The following NPBWR1 variants were observed in gnomAD, a reference collection of about 807,000 sequenced individuals.
The protein encoded by NPBWR1 is neuropeptides B and W receptor 1.
Under a neutral mutation model 2.8 loss-of-function variants are expected in NPBWR1, and 4 were observed. The observed-to-expected ratio is 1.44, with a 90% CI of 0.71 to 3.29. The LOEUF (loss-of-function observed/expected upper bound fraction) is 3.29, where lower values mean the gene tolerates loss of function less well. Among genes scored for constraint, NPBWR1 ranks in the 30% most tolerant of loss-of-function variants. The pLI is 0.01. For missense variants in NPBWR1, 545 were observed against 462.5 expected (o/e 1.18, Z -1.64); for synonymous variants, 250 against 224.5 (o/e 1.11, Z -1.02).
chr8:52,940,720 C>G lies in NPBWR1; in HGVS notation c.813C>G (p.Thr271=). 1 of 1,613,662 alleles carries G rather than the reference C, an allele frequency of 6.2e-7. No homozygotes were observed. The highest frequency in any genetic ancestry group is 8.5e-7 in the Non-Finnish European group (1 of 1,179,990). ...LLCWTPYHLS[T]VVALTTDLPQ... Reference sequence around the variant, plus strand: ...GCTGGACGCCCTACCACCTGAGCACCGTGGTGGCGCTCACCACCGACCTCC... The same window carrying G: ...GCTGGACGCCCTACCACCTGAGCACGGTGGTGGCGCTCACCACCGACCTCC... The change falls in exon 2 of 2, where the codon ACC becomes ACG. Residue 271 remains threonine, a synonymous_variant. Coordinates refer to ENST00000674939, the MANE Select transcript of NPBWR1 (RefSeq NM_005285.5).
In NPBWR1 at chr8:52,941,132, C is replaced by T. The variant is rs1348247093; in HGVS notation, c.*238C>T. 5.0e-6 allele frequency: 3 copies of T among 599,270 alleles called. No homozygotes were observed. Among genetic ancestry groups the T allele is most frequent in the Non-Finnish European group, 8.7e-6 (3 of 345,542 alleles). The allele number at this position is 599,270 out of a possible 1,614,324, so 37.1% of individuals were successfully genotyped here. Reference sequence around the variant, plus strand: ...GAGAACTGAGGCTGAGATCGCCACACTGAGGGCTCCCTAAAGCCGAGGTGG... The same window carrying T: ...GAGAACTGAGGCTGAGATCGCCACATTGAGGGCTCCCTAAAGCCGAGGTGG... On this transcript the variant is annotated 3_prime_UTR_variant, in exon 2 of 2. Transcript: ENST00000674939.
rs141324204 is a variant in NPBWR1, at chr8:52,940,019, G to T, written c.112G>T (p.Val38Leu). Residue 38 changes from valine (V) to leucine (L), a missense_variant, in exon 2 of 2, where the codon GTG (valine) becomes TTG (leucine). Coordinates refer to ENST00000674939, the MANE Select transcript of NPBWR1 (RefSeq NM_005285.5). The stretch of plus-strand genomic sequence containing the variant: ...GGCGCCGCTGCCGGCGCCGCTGGCG[G>T]TGGCTGTACCAGTTGTCTACGCGGT... ...TLAPLPAPLA[V>L]AVPVVYAVIC... is the part of the protein sequence containing the mutation. 6.2e-6 allele frequency: 10 copies of T among 1,605,516 alleles called. No homozygotes were observed. The highest frequency in any genetic ancestry group is 8.5e-6 in the Non-Finnish European group (10 of 1,179,710).
rs1409653483 is a variant in NPBWR1 at position 52,940,532 on chromosome 8, G to T, written c.625G>T (p.Val209Leu). 1 of 1,594,546 alleles carries T rather than the reference G, an allele frequency of 6.3e-7. No individual in the cohort carries two copies. Among genetic ancestry groups the T allele is most frequent in the Non-Finnish European group, 8.5e-7 (1 of 1,173,862 alleles). Residue 209 changes from valine (V) to leucine (L), a missense_variant, in exon 2 of 2, where the codon GTG becomes TTG. Coordinates refer to ENST00000674939, the MANE Select transcript of NPBWR1 (RefSeq NM_005285.5). ...GCGCGCGAGCCGCCTCTACACGCTC[G>T]TGCTGGGCTTCGCCATCCCCGTGTC... is the stretch of plus-strand genomic sequence containing the variant. The part of the protein sequence containing the change: ...WWRASRLYTL[V>L]LGFAIPVSTI...
chr8:52,941,090 C>A lies in NPBWR1; in HGVS notation c.*196C>A. ...CTTGCCAAGCCCTCCAGGTGATGCG[C>A]GGCCATGCCGGGTGAGGAGAACTGA... On this transcript the variant is annotated 3_prime_UTR_variant, in exon 2 of 2. Transcript: ENST00000674939. 1.4e-6 allele frequency: 1 copy of A among 699,274 alleles called. No homozygotes were observed. The highest frequency in any genetic ancestry group is 2.3e-6 in the Non-Finnish European group (1 of 431,898). 43.3% of individuals were successfully genotyped at this position (699,274 alleles called of 1,614,324 possible). A position where few individuals can be genotyped will look rare whatever the true frequency, so the allele number is the denominator to read the frequency against.
At position 52,941,181 on chromosome 8, in the gene NPBWR1, G is replaced by A; in HGVS notation, c.*287G>A. 1 of 488,332 alleles carries A rather than the reference G, an allele frequency of 2.0e-6. No individual in the cohort carries two copies. The allele number at this position is 488,332 out of a possible 1,614,324, so 30.2% of individuals were successfully genotyped here. The stretch of plus-strand genomic sequence containing the variant: ...GGAGGAAGAGGAGGGTAGAGGAGGA[G>A]GGCGGTATTGCTGGGAACCGCCCCC... On this transcript the variant is annotated 3_prime_UTR_variant, in exon 2 of 2. Coordinates refer to ENST00000674939, the MANE Select transcript of NPBWR1 (RefSeq NM_005285.5).
rs762587931 is a variant in NPBWR1 at position 52,940,842 on chromosome 8, C to A, written c.935C>A (p.Ala312Asp). The A allele has an allele frequency of 6.2e-7, 1 of 1,613,386 alleles. No individual in the cohort carries two copies. Among genetic ancestry groups the A allele is most frequent in the South Asian group, 1.1e-5 (1 of 91,066 alleles). ...CCCTTCCTCTACGCCTTCCTGGACG[C>A]CAGCTTCCGCAGGAACCTCCGCCAG... ...LNPFLYAFLDASFRRNLRQLI... is the reference protein window; with the variant it reads ...LNPFLYAFLDDSFRRNLRQLI... Residue 312 changes from alanine (A) to aspartate (D), a missense_variant, in exon 2 of 2, where the codon GCC becomes GAC. Ala to Asp is a moderately radical substitution (Grantham distance 126, BLOSUM62 -2). Transcript: ENST00000674939.
At position 52,941,277 on chromosome 8, in the gene NPBWR1, C is replaced by A. The variant is rs767528308; in HGVS notation, c.*383C>A. ...GAACCTGGCTGGAGTCGGAACTCTC[C>A]GCGCCTTCGAAGGGAGGCCCGAGGA... On this transcript the variant is annotated 3_prime_UTR_variant, in exon 2 of 2. Transcript: ENST00000674939. Among the ~76,000 whole-genome samples, 2 of 152,108 alleles carry A rather than the reference C, an allele frequency of 1.3e-5. No homozygotes were observed. The highest frequency in any genetic ancestry group is 2.9e-5 in the Non-Finnish European group (2 of 68,002).
Position 52,943,523 on chromosome 8 carries a change from T to G in NPBWR1, c.*2629T>G, listed in dbSNP as rs563764792. Among the ~76,000 whole-genome samples the G allele has an allele frequency of 6.6e-5, 10 of 152,392 alleles. No individual in the cohort carries two copies. In the South Asian group the frequency reaches 1.7e-3, roughly 25 times the overall value. On this transcript the variant is annotated 3_prime_UTR_variant, in exon 2 of 2. Coordinates refer to ENST00000674939, the MANE Select transcript of NPBWR1 (RefSeq NM_005285.5). ...TCACATCATTGTATTGCAAAGGTTT[T>G]AACACTGTGTTGAATTCTTGCAGTT...
rs752580559 is a variant in NPBWR1, at chr8:52,940,368, C to CCGCG, written c.468_471dup (p.Val158ArgfsTer204). On this transcript the variant is annotated frameshift_variant, in exon 2 of 2. Transcript: ENST00000674939. LOFTEE classifies it low-confidence loss of function (END_TRUNC). ...CGGGTGGCCGGCCGCACCTACAGCG[C>CCGCG]CGCGCGCGCGGTGAGCCTGGCCGTG... The CCGCG allele has an allele frequency of 1.1e-5, 18 of 1,605,536 alleles. No homozygotes were observed. The highest frequency in any genetic ancestry group is 1.4e-5 in the Non-Finnish European group (17 of 1,178,698).
In NPBWR1 at chr8:52,939,944, A is replaced by G. The variant is rs779727825; in HGVS notation, c.37A>G (p.Asn13Asp). 1.1e-5 allele frequency: 17 copies of G among 1,570,346 alleles called. 1 individual carries two copies. In the South Asian group the frequency reaches 1.8e-4, roughly 17 times the overall value. Residue 13 changes from asparagine to aspartate, a missense_variant, in exon 2 of 2, where the codon AAC becomes GAC. Asn to Asp is a conservative substitution (Grantham distance 23, BLOSUM62 1). Transcript: ENST00000674939. ...CTCGTTCTCGGAGCCCTGGCCCGCCAACGCATCGGGCCCGGACCCGGCGCT... is the reference window on the plus strand; with the variant it reads ...CTCGTTCTCGGAGCCCTGGCCCGCCGACGCATCGGGCCCGGACCCGGCGCT... ...NASFSEPWPA[N>D]ASGPDPALSC... is the part of the protein sequence containing the mutation.
In NPBWR1 at chr8:52,942,568, G is replaced by T. The variant is rs1256214818; in HGVS notation, c.*1674G>T. On this transcript the variant is annotated 3_prime_UTR_variant, in exon 2 of 2. Coordinates refer to ENST00000674939, the MANE Select transcript of NPBWR1 (RefSeq NM_005285.5). Reference sequence around the variant, plus strand: ...GCAGCACATTTTGTTTGCTTAGTTTGGCATCTTCAATCAATTTCTCAATTA... The same window carrying T: ...GCAGCACATTTTGTTTGCTTAGTTTTGCATCTTCAATCAATTTCTCAATTA... 6.6e-6 allele frequency among the ~76,000 whole-genome samples: 1 copy of T among 152,062 alleles called. No homozygotes were observed. The highest frequency in any genetic ancestry group is 2.4e-5 in the African/African-American group (1 of 41,388).
rs1285990990 is a variant in NPBWR1, at chr8:52,940,558, C to T, written c.651C>T (p.Ser217=). The part of the protein sequence containing the change: ...TLVLGFAIPV[S]TICVLYTTLL... ...TGCTGGGCTTCGCCATCCCCGTGTC[C>T]ACCATCTGTGTCCTCTATACCACCC... Residue 217 remains serine (S), a synonymous_variant, in exon 2 of 2, where the codon TCC becomes TCT. Coordinates refer to ENST00000674939, the MANE Select transcript of NPBWR1 (RefSeq NM_005285.5). 1 of 1,598,760 alleles carries T rather than the reference C, an allele frequency of 6.3e-7. No individual in the cohort carries two copies. Among genetic ancestry groups the T allele is most frequent in the Non-Finnish European group, 8.5e-7 (1 of 1,175,004 alleles).
chr8:52,941,843 T>C lies in NPBWR1; in HGVS notation c.*949T>C, dbSNP rs536725010. Among the ~76,000 whole-genome samples, 1 of 152,198 alleles carries C rather than the reference T, an allele frequency of 6.6e-6. No individual in the cohort carries two copies. The highest frequency in any genetic ancestry group is 1.5e-5 in the Non-Finnish European group (1 of 68,032). ...ATCGCGGGGCTTTGTGGTGGAGCACTCCGGCTGAGCGCGCTTCACAGCGCT... is the reference window on the plus strand; with the variant it reads ...ATCGCGGGGCTTTGTGGTGGAGCACCCCGGCTGAGCGCGCTTCACAGCGCT... On this transcript the variant is annotated 3_prime_UTR_variant, in exon 2 of 2. Coordinates refer to ENST00000674939, the MANE Select transcript of NPBWR1 (RefSeq NM_005285.5).
chr8:52,940,798 C>A lies in NPBWR1; in HGVS notation c.891C>A (p.Tyr297Ter), dbSNP rs776181134. ...AISYFITSLS[Y>*]ANSCLNPFLY... ...CCTACTTCATCACCAGCCTGAGCTA[C>A]GCCAACAGCTGCCTCAACCCCTTCC... Residue 297 changes from tyrosine (Y) to a stop codon, truncating the protein, a stop_gained, in exon 2 of 2, where the codon TAC becomes TAA. Transcript: ENST00000674939. LOFTEE classifies it high-confidence loss of function. 1.9e-6 allele frequency: 3 copies of A among 1,614,128 alleles called. No homozygotes were observed. The highest frequency in any genetic ancestry group is 1.6e-4 in the Middle Eastern group (1 of 6,062).
chr8:52,939,672 G>C, intron 1 of NPBWR1, 39 bp from the exon 2 acceptor site: 1 of 459,792 alleles, frequency 2.2e-6, no homozygotes, highest in Non-Finnish European at 3.8e-6. Flanking sequence ...AAAGTTACAC[G>C]TCGACGAACT....
At chr8:52,939,514 T>C (rs1332126045) in intron 1 of NPBWR1, 148 bp downstream of exon 1, 5 of 192,032 alleles carry the variant, frequency 2.6e-5, no homozygotes, top group Admixed American at 2.4e-4. Flanking sequence ...ATTTTTCCTA[T>C]GGAGGATTCT....
In NPBWR1 at chr8:52,939,703, C is replaced by T. The variant is rs1215541346; in HGVS notation, c.-197-8C>T. 1.8e-6 allele frequency: 1 copy of T among 546,920 alleles called. No homozygotes were observed. The highest frequency in any genetic ancestry group is 3.1e-6 in the Non-Finnish European group (1 of 321,802). The allele number at this position is 546,920 out of a possible 1,614,324, so 33.9% of individuals were successfully genotyped here. A position where few individuals can be genotyped will look rare whatever the true frequency, so the allele number is the denominator to read the frequency against. On this transcript the variant is annotated splice_polypyrimidine_tract_variant and splice_region_variant and intron_variant, in intron 1 of 1. Coordinates refer to ENST00000674939, the MANE Select transcript of NPBWR1 (RefSeq NM_005285.5). ...GAACTAACCTATGCTTTAAATTCCT[C>T]TTTCCAGCCCCGTGAGTCCGCGGCG... is the stretch of plus-strand genomic sequence containing the variant.
At position 52,939,725 on chromosome 8, in the gene NPBWR1, G is replaced by A; in HGVS notation, c.-183G>A. 3.3e-6 allele frequency: 2 copies of A among 598,518 alleles called. No homozygotes were observed. The highest frequency in any genetic ancestry group is 3.0e-5 in the East Asian group (1 of 33,112). The allele number at this position is 598,518 out of a possible 1,614,324, so 37.1% of individuals were successfully genotyped here. A position where few individuals can be genotyped will look rare whatever the true frequency, so the allele number is the denominator to read the frequency against. ...CCTCTTTCCAGCCCCGTGAGTCCGC[G>A]GCGACATTGGGCCGTGGGGTGGCTG... On this transcript the variant is annotated 5_prime_UTR_variant, in exon 2 of 2. Coordinates refer to ENST00000674939, the MANE Select transcript of NPBWR1 (RefSeq NM_005285.5).
Position 52,940,463 on chromosome 8 carries a change from C to A in NPBWR1, c.556C>A (p.Arg186Ser). Residue 186 changes from arginine (R) to serine (S), a missense_variant, in exon 2 of 2, where the codon CGC (arginine) becomes AGC (serine). By Grantham distance (110) the Arg-to-Ser change is moderately radical. Coordinates refer to ENST00000674939, the MANE Select transcript of NPBWR1 (RefSeq NM_005285.5). ...CCGGCTAGACGACGAGCAGGGCCGG[C>A]GCCAGTGCGTGCTAGTCTTTCCGCA... is the stretch of plus-strand genomic sequence containing the variant. ...FARLDDEQGR[R>S]QCVLVFPQPE... 6.9e-6 allele frequency: 11 copies of A among 1,587,134 alleles called. No homozygotes were observed. The highest frequency in any genetic ancestry group is 9.4e-6 in the Non-Finnish European group (11 of 1,172,204).
Sources: allele counts gnomAD v4.1 joint callset (sites outside exome capture counted in the v4.1 genomes callset), GRCh38; gene constraint gnomAD v4.1.1; transcripts MANE v1.5; gene names NCBI Gene and HGNC (gene_info 2026-07-23, HGNC 2026-07-21).